Variants in ANO10 observed in about 807,000 individuals in gnomAD.
ANO10 encodes anoctamin-10.
Under a neutral mutation model 74.7 loss-of-function variants are expected in ANO10, and 77 were observed. The observed-to-expected ratio is 1.03, with a 90% CI of 0.86 to 1.25. The LOEUF (loss-of-function observed/expected upper bound fraction) is 1.25. ANO10 is among the 50% of genes most tolerant of loss of function. The pLI is 0.00. For missense variants in ANO10, 721 were observed against 778.1 expected (o/e 0.93, Z 0.87); for synonymous variants, 279 against 284.9 (o/e 0.98, Z 0.21).
At chr3:43,406,029 AATC>A (rs1415252587) in intron 12 of ANO10, among the ~76,000 whole-genome samples, 5 of 152,244 alleles carry the variant, frequency 3.3e-5, no homozygotes, top group Non-Finnish European at 5.9e-5. Context: ...AAAGGAAAGA[AATC>A]ATCACCCCAG....
At chr3:43,442,735 T>C (rs1467161263) in intron 11 of ANO10, among the ~76,000 whole-genome samples, 2 of 152,192 alleles carry the variant, frequency 1.3e-5, no homozygotes, top group South Asian at 4.1e-4. Flanking sequence ...ACAGTCTCTG[T>C]CACAATTACT....
At chr3:43,375,038 A>G (rs1023669243) in intron 12 of ANO10, among the ~76,000 whole-genome samples, 2 of 151,704 alleles carry the variant, frequency 1.3e-5, no homozygotes, top group East Asian at 3.9e-4. Flanking sequence ...GGAGAACCAC[A>G]TGAACCCGGG....
intron 1 of ANO10, among the ~76,000 whole-genome samples, chr3:43,619,868 CAAAAAAAA>C (rs746826623): frequency 2.5e-5 from 2 of 79,924 alleles, no homozygotes; most frequent in African/African-American, 4.6e-5. Context: ...AGACCTTGTC[CAAAAAAAA>C]AAAAAAAAAA....
intron 4 of ANO10, among the ~76,000 whole-genome samples, chr3:43,593,245 G>C (rs1310218765): frequency 6.6e-6 from 1 of 152,066 alleles, no homozygotes; most frequent in Non-Finnish European, 1.5e-5. Context: ...TTCAAATACA[G>C]GAAATACAGA....
intron 1 of ANO10, chr3:43,690,774 G>A (rs1156352231): frequency 6.9e-6 from 3 of 437,752 alleles, no homozygotes; most frequent in African/African-American, 6.2e-5. Flanking sequence ...GGAGCGTCGG[G>A]CGGGAGAACT....
intron 1 of ANO10, among the ~76,000 whole-genome samples, chr3:43,655,095 C>T (rs1430675252): frequency 6.6e-6 from 1 of 152,176 alleles, no homozygotes; most frequent in African/African-American, 2.4e-5. Flanking sequence ...TCCTTTTACA[C>T]GTATACACAG....
At chr3:43,614,450 A>G (rs575086012) in intron 1 of ANO10, among the ~76,000 whole-genome samples, 2 of 152,170 alleles carry the variant, frequency 1.3e-5, no homozygotes, top group Non-Finnish European at 2.9e-5. Flanking sequence ...ATAAAAAAAC[A>G]TAAAAATACA....
intron 1 of ANO10, among the ~76,000 whole-genome samples, chr3:43,686,762 G>C (rs2084280350): frequency 6.6e-6 from 1 of 152,166 alleles, no homozygotes; most frequent in Non-Finnish European, 1.5e-5. Context: ...CTGTATCAGA[G>C]AGTGTGGGTC....
chr3:43,623,021 A>G (rs753563263), upstream of ANO10, among the ~76,000 whole-genome samples: 28 of 152,126 alleles, frequency 1.8e-4, no homozygotes, highest in Non-Finnish European at 3.5e-4. Flanking sequence ...GCGCACCATC[A>G]TGCCCAGCTA....
At chr3:43,605,584 T>A in intron 2 of ANO10, 130 bp downstream of exon 2, 1 of 1,270,900 alleles carries the variant, frequency 7.9e-7, no homozygotes, top group Non-Finnish European at 1.1e-6. Context: ...CATTAGTAAA[T>A]AAAATATATC....
chr3:43,586,888 C>T (rs766889355), intron 4 of ANO10, among the ~76,000 whole-genome samples: 3 of 152,014 alleles, frequency 2.0e-5, no homozygotes, highest in African/African-American at 4.8e-5. Context: ...AAAATACAAT[C>T]GGGAAACTGG....
chr3:43,495,220 T>C lies in ANO10; in HGVS notation c.1797+54500A>G, dbSNP rs140278890. ...GACTCCTACTTCAAAACAAAAATAA[T>C]TTTAAAAAAACAAAAATAATTTCAA... On this transcript the variant is annotated intron_variant, in intron 11 of 12. Coordinates refer to ENST00000292246, the MANE Select transcript of ANO10 (RefSeq NM_018075.5). Among the ~76,000 whole-genome samples, 1,442 of 152,012 alleles carry C rather than the reference T, an allele frequency of 9.5e-3. 21 individuals are homozygous for C. The highest frequency in any genetic ancestry group is 0.032 in the African/African-American group (1,316 of 41,476).
intron 12 of ANO10, among the ~76,000 whole-genome samples, chr3:43,425,552 C>A (rs2092887359): frequency 6.6e-6 from 1 of 152,140 alleles, no homozygotes; most frequent in Non-Finnish European, 1.5e-5. Context: ...AAGCTGAATT[C>A]TCAGCCATGA....
intron 11 of ANO10, among the ~76,000 whole-genome samples, chr3:43,502,511 G>A (rs1055203810): frequency 3.9e-5 from 6 of 152,166 alleles, no homozygotes; most frequent in Non-Finnish European, 1.5e-5. Flanking sequence ...TGCACCACAA[G>A]TGGAAACAGC....
intron 11 of ANO10, among the ~76,000 whole-genome samples, chr3:43,461,830 G>A (rs545468691): frequency 6.6e-6 from 1 of 152,296 alleles, no homozygotes; most frequent in East Asian, 1.9e-4. Flanking sequence ...ATGGGGCGCT[G>A]CTGAAAAGAT....
intron 12 of ANO10, among the ~76,000 whole-genome samples, chr3:43,387,666 T>C: frequency 6.6e-6 from 1 of 152,200 alleles, no homozygotes; most frequent in East Asian, 1.9e-4. Flanking sequence ...TGGTTCTCAG[T>C]GGAAGCCATT....
At chr3:43,552,726 A>ATATATATATATATG (rs1553710721) in intron 10 of ANO10, among the ~76,000 whole-genome samples, 2 of 95,600 alleles carry the variant, frequency 2.1e-5, no homozygotes, top group African/African-American at 4.1e-5. Flanking sequence ...ATATATATAT[A>ATATATATATATATG]TATGTATGTA....
intron 12 of ANO10, among the ~76,000 whole-genome samples, chr3:43,419,418 A>G (rs1247296128): frequency 6.6e-6 from 1 of 152,118 alleles, no homozygotes; most frequent in Non-Finnish European, 1.5e-5. Flanking sequence ...TAAAAAGATC[A>G]TTTCTATAGA....
At chr3:43,414,967 CTTTTTTTTTTTTTT>C (rs60554785) in intron 12 of ANO10, among the ~76,000 whole-genome samples, 2 of 66,594 alleles carry the variant, frequency 3.0e-5, no homozygotes, top group African/African-American at 6.3e-5. Context: ...TGTCATTGTG[CTTTTTTTTTTTTTT>C]TTTTTTTTTT....
Sources: gnomAD v4.1 joint callset for allele counts (sites outside exome capture counted in the v4.1 genomes callset) on GRCh38, gnomAD v4.1.1 for gene constraint, MANE v1.5 for transcripts, NCBI Gene and HGNC (gene_info 2026-07-23, HGNC 2026-07-21) for gene names.